SERPINE2: variants seen among roughly 807,000 people sequenced by gnomAD.
SERPINE2 encodes glia-derived nexin.
In SERPINE2, 14 loss-of-function variants were observed where a neutral mutation model predicts 36.3. The observed-to-expected ratio is 0.39, with a 90% CI of 0.25 to 0.60. SERPINE2 has a LOEUF of 0.60. Among genes scored for constraint, SERPINE2 ranks in the 20% least tolerant of loss-of-function variants. SERPINE2 has a pLI of 0.57. For synonymous variants in SERPINE2, 192 were observed against 191.8 expected (o/e 1.00, Z -0.01); for missense variants, 418 against 499.6 (o/e 0.84, Z 1.56).
At chr2:224,003,704 A>G (rs1691282902) in intron 1 of SERPINE2, among the ~76,000 whole-genome samples, 1 of 152,230 alleles carries the variant, frequency 6.6e-6, no homozygotes, top group South Asian at 2.1e-4. Context: ...TTAAGTAAGA[A>G]CTTAACAGTG....
intron 4 of SERPINE2, among the ~76,000 whole-genome samples, chr2:223,991,065 T>C (rs1277390191): frequency 1.3e-5 from 2 of 152,240 alleles, no homozygotes; most frequent in Admixed American, 6.5e-5. Context: ...CCTATCTCTA[T>C]TGACGTGTGA....
chr2:224,026,875 TCTC>T (rs1692203332), intron 1 of SERPINE2, among the ~76,000 whole-genome samples: 2 of 152,138 alleles, frequency 1.3e-5, no homozygotes, highest in Admixed American at 6.6e-5. Flanking sequence ...GGAATTAATC[TCTC>T]CTCTGTGAAG....
At chr2:224,012,462 G>GT (rs1245023898) in intron 1 of SERPINE2, among the ~76,000 whole-genome samples, 1 of 151,924 alleles carries the variant, frequency 6.6e-6, no homozygotes, top group Non-Finnish European at 1.5e-5. Flanking sequence ...AATTAGCCAG[G>GT]TGTGGTGGCG....
At chr2:224,012,287 C>A (rs1691655265) in intron 1 of SERPINE2, among the ~76,000 whole-genome samples, 1 of 152,088 alleles carries the variant, frequency 6.6e-6, no homozygotes, top group Non-Finnish European at 1.5e-5. Flanking sequence ...CCTAAAATGT[C>A]CAACAATAAG....
At chr2:223,991,158 T>A (rs549478113) in intron 4 of SERPINE2, among the ~76,000 whole-genome samples, 47 of 152,332 alleles carry the variant, frequency 3.1e-4, no homozygotes, top group African/African-American at 1.1e-3. Context: ...ATATATTGCA[T>A]AATCTTTCCA....
At chr2:224,004,249 C>T (rs551720577) in intron 1 of SERPINE2, among the ~76,000 whole-genome samples, 36 of 152,310 alleles carry the variant, frequency 2.4e-4, no homozygotes, top group South Asian at 8.3e-4. Context: ...TGTGGGCACA[C>T]GCAGAACTCC....
Position 223,984,942 on chromosome 2 carries a change from T to G in SERPINE2, c.694A>C (p.Ser232Arg), listed in dbSNP as rs200107409. 56 of 1,614,056 alleles carry G rather than the reference T, an allele frequency of 3.5e-5. No individual in the cohort carries two copies. Among genetic ancestry groups the G allele is most frequent in the Non-Finnish European group, 8.5e-7 (1 of 1,180,022 alleles). Residue 232 changes from serine to arginine, a missense_variant, in exon 5 of 9, where the codon AGT becomes CGT. Transcript: ENST00000409304. ...QLSVFRCGST[S>R]APNDLWYNFI... ...TTGTACCATAAATCATTGGGGGCAC[T>G]TGTCGACCCTAAAGAAATCAGAAGC...
At chr2:223,992,118 A>T in intron 3 of SERPINE2, 118 bp from the exon 4 acceptor site, 1 of 840,868 alleles carries the variant, frequency 1.2e-6, no homozygotes, top group Non-Finnish European at 1.9e-6. Flanking sequence ...AAGGAGTGTT[A>T]AAGAGAATCT....
chr2:224,001,156 AG>A (rs1691103720), intron 2 of SERPINE2, among the ~76,000 whole-genome samples: 1 of 151,792 alleles, frequency 6.6e-6, no homozygotes, highest in Admixed American at 6.6e-5. Context: ...GGGCTTGGGG[AG>A]GGGGGTCTGT....
intron 4 of SERPINE2, among the ~76,000 whole-genome samples, chr2:223,987,245 C>T (rs967615689): frequency 1.3e-5 from 2 of 152,162 alleles, no homozygotes; most frequent in Non-Finnish European, 2.9e-5. Flanking sequence ...CAAAAACTGC[C>T]GTCTTTTGAT....
intron 3 of SERPINE2, among the ~76,000 whole-genome samples, chr2:223,992,555 G>C (rs970499694): frequency 1.3e-5 from 2 of 152,074 alleles, no homozygotes; most frequent in African/African-American, 4.8e-5. Flanking sequence ...TGGAATCTCT[G>C]GGTATCACAA....
chr2:224,016,651 C>A (rs1559215383), intron 1 of SERPINE2, among the ~76,000 whole-genome samples: 1 of 151,966 alleles, frequency 6.6e-6, no homozygotes, highest in South Asian at 2.1e-4. Flanking sequence ...AAATGAAAAT[C>A]ATTTCACATA....
At chr2:223,992,102 A>T in intron 3 of SERPINE2, 102 bp from the exon 4 acceptor site, 1 of 979,086 alleles carries the variant, frequency 1.0e-6, no homozygotes, top group Non-Finnish European at 1.6e-6. Context: ...AAATCAAAGG[A>T]TTTTTAAGGA....
chr2:224,021,960 C>T (rs7566629), intron 1 of SERPINE2, among the ~76,000 whole-genome samples: 143,164 of 151,600 alleles, frequency 0.94, 67,950 homozygotes, highest in Non-Finnish European at 0.99. Context: ...GAGATCGAGA[C>T]CATCCTGGCT....
intron 1 of SERPINE2, among the ~76,000 whole-genome samples, chr2:224,013,466 T>C (rs775604004): frequency 1.3e-5 from 2 of 152,176 alleles, no homozygotes; most frequent in Non-Finnish European, 2.9e-5. Flanking sequence ...CCTGCTCCCT[T>C]TTCACGAGGA....
intron 1 of SERPINE2, among the ~76,000 whole-genome samples, chr2:224,023,441 A>G (rs1237135981): frequency 6.6e-6 from 1 of 152,210 alleles, no homozygotes; most frequent in Non-Finnish European, 1.5e-5. Context: ...AACAGACACT[A>G]TTTACTTACT....
intron 1 of SERPINE2, among the ~76,000 whole-genome samples, chr2:224,022,152 C>G (rs1361322854): frequency 1.0e-5 from 1 of 95,778 alleles, no homozygotes; most frequent in African/African-American, 3.2e-5. Flanking sequence ...GAGCGAGACT[C>G]CTTCTCAAAA....
rs772820769 is a variant in SERPINE2, at chr2:223,980,299, C to G, written c.1072+12G>C. 3 of 1,610,630 alleles carry G rather than the reference C, an allele frequency of 1.9e-6. No individual in the cohort carries two copies. In the South Asian group the frequency reaches 3.3e-5, roughly 18 times the overall value. ...TGCTAGAGGAAGCCCTGCCACGTGA[C>G]CCAGTGCTTACTTGTTGCTGCTGAA... On this transcript the variant is annotated intron_variant, in intron 7 of 8. Coordinates refer to ENST00000409304, the MANE Select transcript of SERPINE2 (RefSeq NM_001136528.2).
chr2:223,984,970 G>A lies in SERPINE2; in HGVS notation c.686-20C>T, dbSNP rs771461725. ...TCGACCCTAAAGAAATCAGAAGCAG[G>A]TTCAGTGTATCCTTGTTGACTTCTA... On this transcript the variant is annotated intron_variant, in intron 4 of 8. Transcript: ENST00000409304. 20 of 1,611,678 alleles carry A rather than the reference G, an allele frequency of 1.2e-5. No individual in the cohort carries two copies. Among genetic ancestry groups the A allele is most frequent in the South Asian group, 2.2e-5 (2 of 91,028 alleles).
Sources: gnomAD v4.1 joint callset for allele counts (sites outside exome capture counted in the v4.1 genomes callset) on GRCh38, gnomAD v4.1.1 for gene constraint, MANE v1.5 for transcripts, NCBI Gene and HGNC (gene_info 2026-07-23, HGNC 2026-07-21) for gene names.